The following SLC1A3 variants were observed in gnomAD, a reference collection of about 807,000 sequenced individuals.
SLC1A3 encodes the protein solute carrier family 1 member 3, also known as excitatory amino acid transporter 1.
SLC1A3 carries 21 observed loss-of-function variants against 48.1 expected under a neutral mutation model. The observed-to-expected ratio is 0.44, with a 90% CI of 0.31 to 0.63. The LOEUF (loss-of-function observed/expected upper bound fraction) is 0.63. Among genes scored for constraint, SLC1A3 ranks in the 20% least tolerant of loss-of-function variants. SLC1A3 has a pLI of 0.08. For missense variants in SLC1A3, 546 were observed against 689.0 expected, an observed-to-expected ratio of 0.79 and a Z score of 2.32; for synonymous variants, 239 against 251.4, an observed-to-expected ratio of 0.95 and a Z score of 0.47.
In SLC1A3 at chr5:36,677,075, A is replaced by G; in HGVS notation, c.751A>G (p.Met251Val). The G allele has an allele frequency of 1.2e-6, 2 of 1,614,098 alleles. No homozygotes were observed. The highest frequency in any genetic ancestry group is 1.7e-6 in the Non-Finnish European group (2 of 1,179,968). The change falls in exon 6 of 10, where the codon ATG becomes GTG. Residue 251 changes from methionine (M) to valine (V), a missense_variant. By Grantham distance (21) the Met-to-Val change is conservative. Transcript: ENST00000265113. ...TGCCCTGGGTCTAGTTGTCTTCTCC[A>G]TGTGCTTCGGTTTTGTGATTGGAAA... ...VNALGLVVFS[M>V]CFGFVIGNMK... is the part of the protein sequence containing the mutation.
intron 3 of SLC1A3, among the ~76,000 whole-genome samples, chr5:36,638,004 A>G (rs1740461258): frequency 6.6e-6 from 1 of 151,708 alleles, no homozygotes; most frequent in African/African-American, 2.4e-5. Context: ...GTTTTTCTAG[A>G]ATTGTTGTTT....
chr5:36,619,442 C>T (rs1739577882), intron 2 of SLC1A3, among the ~76,000 whole-genome samples: 1 of 152,140 alleles, frequency 6.6e-6, no homozygotes, highest in African/African-American at 2.4e-5. Context: ...GAGTTTGAGA[C>T]CAGCCTGGGC....
chr5:36,602,169 TCTTTC>T (rs1738816319), upstream of SLC1A3, among the ~76,000 whole-genome samples: 1 of 150,332 alleles, frequency 6.7e-6, no homozygotes, highest in East Asian at 2.0e-4. Context: ...CTTTTAATGT[TCTTTC>T]CTTTCTTTTC....
At chr5:36,598,092 G>A (rs953496719) in intron 1 of SLC1A3, among the ~76,000 whole-genome samples, 1 of 152,114 alleles carries the variant, frequency 6.6e-6, no homozygotes, top group Non-Finnish European at 1.5e-5. Context: ...ATTTTCATCC[G>A]GACTGTTAGT....
intron 2 of SLC1A3, among the ~76,000 whole-genome samples, chr5:36,614,005 G>T (rs1352680021): frequency 6.6e-6 from 1 of 152,186 alleles, no homozygotes; most frequent in Non-Finnish European, 1.5e-5. Context: ...CTCCTACTGT[G>T]ACGGTGTAGC....
intron 8 of SLC1A3, among the ~76,000 whole-genome samples, 157 bp from the exon 9 acceptor site, chr5:36,683,707 C>CA (rs11284736): frequency 6.7e-5 from 10 of 148,600 alleles, no homozygotes; most frequent in South Asian, 6.4e-4. Flanking sequence ...GATACTGTTT[C>CA]AAAAAAAAAA....
At chr5:36,642,100 A>G (rs1349019838) in intron 3 of SLC1A3, among the ~76,000 whole-genome samples, 1 of 152,234 alleles carries the variant, frequency 6.6e-6, no homozygotes, top group Non-Finnish European at 1.5e-5. Flanking sequence ...ACTTTAATCT[A>G]TAAACCTTTT....
chr5:36,680,454 G>T lies in SLC1A3; in HGVS notation c.1154G>T (p.Arg385Leu). 1 of 1,614,182 alleles carries T rather than the reference G, an allele frequency of 6.2e-7. No homozygotes were observed. Among genetic ancestry groups the T allele is most frequent in the Non-Finnish European group, 8.5e-7 (1 of 1,180,038 alleles). ...GAAGAGAACAATGGCGTGGACAAGC[G>T]CGTCACCAGATTCGTGCTCCCCGTA... is the stretch of plus-strand genomic sequence containing the variant. ...CLEENNGVDK[R>L]VTRFVLPVGA... The change falls in exon 8 of 10, where the codon CGC (arginine) becomes CTC (leucine). Residue 385 changes from arginine (R) to leucine (L), a missense_variant. Around this residue, in one of 3 missense-constraint regions of SLC1A3, gnomAD observed 142 missense variants for 238.0 expected, o/e 0.60. Transcript: ENST00000265113.
intron 3 of SLC1A3, among the ~76,000 whole-genome samples, chr5:36,653,816 C>T (rs537883079): frequency 1.2e-4 from 18 of 152,252 alleles, no homozygotes; most frequent in African/African-American, 4.3e-4. Context: ...GGATAATTAG[C>T]TAAAAATAAG....
chr5:36,618,686 C>T (rs1051617619), intron 2 of SLC1A3, among the ~76,000 whole-genome samples: 6 of 145,864 alleles, frequency 4.1e-5, no homozygotes, highest in African/African-American at 8.3e-5. Context: ...AATGGGAACA[C>T]CTTTGCTGTG....
At chr5:36,614,311 T>TCCAGAGAGCTATAAGACCCTGGCA (rs1739338164) in intron 2 of SLC1A3, among the ~76,000 whole-genome samples, 1 of 152,142 alleles carries the variant, frequency 6.6e-6, no homozygotes, top group South Asian at 2.1e-4. Context: ...ATGCTGATCT[T>TCCAGAGAGCTATAAGACCCTGGCA]CCAGAGAGCT....
At position 36,677,059 on chromosome 5, in the gene SLC1A3, T is replaced by A. The variant is rs1315186172; in HGVS notation, c.735T>A (p.Gly245=). The A allele has an allele frequency of 5.0e-6, 8 of 1,614,024 alleles. No homozygotes were observed. Among genetic ancestry groups the A allele is most frequent in the Non-Finnish European group, 6.8e-6 (8 of 1,179,968 alleles). The stretch of plus-strand genomic sequence containing the variant: ...CTGTGAATGGAGTCAATGCCCTGGG[T>A]CTAGTTGTCTTCTCCATGTGCTTCG... ...PGSVNGVNAL[G]LVVFSMCFGF... The change falls in exon 6 of 10, where the codon GGT becomes GGA. Residue 245 remains glycine (G), a synonymous_variant. Coordinates refer to ENST00000265113, the MANE Select transcript of SLC1A3 (RefSeq NM_004172.5).
intron 9 of SLC1A3, among the ~76,000 whole-genome samples, chr5:36,684,740 CAG>C (rs1322077624): frequency 2.0e-5 from 3 of 152,178 alleles, no homozygotes; most frequent in African/African-American, 7.2e-5. Flanking sequence ...AAGAGCTTGA[CAG>C]TGTGCGTGAA....
At chr5:36,622,898 G>C (rs2111726286) in intron 2 of SLC1A3, among the ~76,000 whole-genome samples, 1 of 151,824 alleles carries the variant, frequency 6.6e-6, no homozygotes, top group African/African-American at 2.4e-5. Context: ...TGTAGTCCCA[G>C]CTACTCGGGA....
chr5:36,619,362 T>C (rs1349835130), intron 2 of SLC1A3, among the ~76,000 whole-genome samples: 2 of 152,234 alleles, frequency 1.3e-5, no homozygotes, highest in Non-Finnish European at 2.9e-5. Context: ...CAATACAGCC[T>C]GGCACAGTGA....
chr5:36,685,363 G>A (rs4421131), intron 9 of SLC1A3, among the ~76,000 whole-genome samples: 5,642 of 152,160 alleles, frequency 0.037, 395 homozygotes, highest in African/African-American at 0.13. Flanking sequence ...TGCAACCTCC[G>A]CCTCCTGGGT....
chr5:36,613,859 T>A (rs989177327), intron 2 of SLC1A3, among the ~76,000 whole-genome samples: 13 of 152,146 alleles, frequency 8.5e-5, no homozygotes, highest in African/African-American at 3.1e-4. Flanking sequence ...AGGGTCTGAT[T>A]TCTCTGTGCT....
chr5:36,677,141 T>A lies in SLC1A3; in HGVS notation c.817T>A (p.Ser273Thr). Residue 273 changes from serine to threonine, a missense_variant, in exon 6 of 10, where the codon TCT becomes ACT. Transcript: ENST00000265113. Reference sequence around the variant, plus strand: ...GCAGGCCCTGAGAGAGTTCTTTGATTCTCTTAACGAAGCCATCATGAGACT... The same window carrying A: ...GCAGGCCCTGAGAGAGTTCTTTGATACTCTTAACGAAGCCATCATGAGACT... The part of the protein sequence containing the change: ...QGQALREFFD[S>T]LNEAIMRLVA... 2 of 1,614,134 alleles carry A rather than the reference T, an allele frequency of 1.2e-6. No individual in the cohort carries two copies. Among genetic ancestry groups the A allele is most frequent in the Non-Finnish European group, 1.7e-6 (2 of 1,179,960 alleles).
intron 3 of SLC1A3, among the ~76,000 whole-genome samples, chr5:36,648,331 C>G (rs1415445217): frequency 6.6e-6 from 1 of 152,128 alleles, no homozygotes; most frequent in African/African-American, 2.4e-5. Context: ...AGATTTGTGT[C>G]AAGAAACCTT....
Sources: gnomAD v4.1 joint callset for allele counts (sites outside exome capture counted in the v4.1 genomes callset) on GRCh38, gnomAD v4.1.1 for gene constraint, gnomAD v4.1.1 regional missense constraint, MANE v1.5 for transcripts, NCBI Gene and HGNC (gene_info 2026-07-23, HGNC 2026-07-21) for gene names.